Variants in GRM8 observed in about 807,000 individuals in gnomAD.
GRM8 encodes the protein glutamate metabotropic receptor 8.
A neutral mutation model predicts 87.2 loss-of-function variants in GRM8; 47 were observed. That is an observed-to-expected ratio of 0.54 (90% CI 0.43 to 0.69). GRM8 has a LOEUF of 0.69. GRM8 is among the 30% of genes least tolerant of loss of function. The probability of loss-of-function intolerance (pLI) is 0.00; values close to 1 mark genes in which losing one functional copy is unlikely to be tolerated. For synonymous variants in GRM8, 396 were observed against 404.5 expected, an observed-to-expected ratio of 0.98 and a Z score of 0.25; for missense variants, 1,019 against 1,139.2, an observed-to-expected ratio of 0.89 and a Z score of 1.52.
rs551940902 is a variant in GRM8, at chr7:126,691,059, G to C, written c.1357+78806C>G. On this transcript the variant is annotated intron_variant, in intron 7 of 10. Transcript: ENST00000339582. Reference sequence around the variant, plus strand: ...CGGGGAACTGCCCCTTTCCACCCAGGAGCCTGTCTGCCTCCCATTGTCATT... The same window carrying C: ...CGGGGAACTGCCCCTTTCCACCCAGCAGCCTGTCTGCCTCCCATTGTCATT... 5.3e-5 allele frequency among the ~76,000 whole-genome samples: 8 copies of C among 152,328 alleles called. No individual in the cohort carries two copies. In the South Asian group the frequency reaches 1.7e-3, roughly 32 times the overall value.
intron 6 of GRM8, among the ~76,000 whole-genome samples, chr7:126,830,983 G>T (rs1032934361): frequency 1.3e-5 from 2 of 152,202 alleles, no homozygotes; most frequent in Non-Finnish European, 1.5e-5. Flanking sequence ...GACCCTGTTT[G>T]CCTGGGTATC....
chr7:126,482,423 G>A (rs755519704), intron 9 of GRM8, among the ~76,000 whole-genome samples: 28 of 151,800 alleles, frequency 1.8e-4, no homozygotes, highest in Admixed American at 7.9e-4. Context: ...ACAGATGAAT[G>A]GAAAAACAAA....
chr7:127,026,774 T>C (rs910897962), intron 3 of GRM8, among the ~76,000 whole-genome samples: 8 of 152,196 alleles, frequency 5.3e-5, no homozygotes, highest in Admixed American at 1.3e-4. Context: ...AAAACTTTTC[T>C]CCCATTCTGT....
intron 6 of GRM8, among the ~76,000 whole-genome samples, chr7:126,890,317 C>T (rs1455990672): frequency 6.6e-6 from 1 of 152,066 alleles, no homozygotes; most frequent in Non-Finnish European, 1.5e-5. Flanking sequence ...CATATTATTT[C>T]CTTTAACTTC....
chr7:126,497,518 T>C (rs538603363), intron 9 of GRM8, among the ~76,000 whole-genome samples: 107 of 152,108 alleles, frequency 7.0e-4, no homozygotes, highest in Non-Finnish European at 1.2e-3. Flanking sequence ...TGTATGTAGA[T>C]ATATTCGAAA....
intron 6 of GRM8, among the ~76,000 whole-genome samples, chr7:126,888,401 G>GAAATGTTTCAGAA (rs1800696288): frequency 6.6e-6 from 1 of 151,970 alleles, no homozygotes; most frequent in Non-Finnish European, 1.5e-5. Context: ...CTGAATCAGA[G>GAAATGTTTCAGAA]AAACCGAAAT....
intron 2 of GRM8, among the ~76,000 whole-genome samples, chr7:127,159,387 A>G (rs1046630868): frequency 9.9e-5 from 15 of 152,192 alleles, no homozygotes; most frequent in Non-Finnish European, 2.1e-4. Context: ...GACCTAATTA[A>G]TTGTTACATA....
At chr7:127,224,842 T>C (rs1333887383) in intron 2 of GRM8, among the ~76,000 whole-genome samples, 1 of 152,186 alleles carries the variant, frequency 6.6e-6, no homozygotes, top group African/African-American at 2.4e-5. Flanking sequence ...TCTGAATTCC[T>C]GAACTCAAGC....
intron 3 of GRM8, among the ~76,000 whole-genome samples, chr7:127,024,412 T>C (rs1816572037): frequency 6.6e-6 from 1 of 152,060 alleles, no homozygotes; most frequent in Admixed American, 6.5e-5. Context: ...CTATTCTGTA[T>C]TCATCATTAA....
chr7:126,705,589 C>T (rs1056717089), intron 7 of GRM8, among the ~76,000 whole-genome samples: 12 of 151,916 alleles, frequency 7.9e-5, no homozygotes, highest in South Asian at 4.2e-4. Flanking sequence ...TATGTATGGA[C>T]GTATATGAAA....
intron 6 of GRM8, among the ~76,000 whole-genome samples, chr7:126,848,382 C>T (rs1013576292): frequency 6.6e-6 from 1 of 152,128 alleles, no homozygotes; most frequent in Non-Finnish European, 1.5e-5. Flanking sequence ...GAATTTTGAA[C>T]ACTTAGCACC....
intron 7 of GRM8, among the ~76,000 whole-genome samples, chr7:126,624,361 T>C (rs569900251): frequency 6.6e-6 from 1 of 152,304 alleles, no homozygotes; most frequent in East Asian, 1.9e-4. Flanking sequence ...CTTCCCAGTG[T>C]TCTTCCCGAC....
intron 2 of GRM8, among the ~76,000 whole-genome samples, chr7:127,237,692 T>C (rs1563600860): frequency 6.6e-6 from 1 of 152,200 alleles, no homozygotes; most frequent in Non-Finnish European, 1.5e-5. Context: ...TTGGGAAGGA[T>C]ACACTACAGA....
chr7:126,502,040 C>A (rs946269689), intron 9 of GRM8, among the ~76,000 whole-genome samples: 2 of 151,880 alleles, frequency 1.3e-5, no homozygotes, highest in Admixed American at 1.3e-4. Flanking sequence ...TACCATATGA[C>A]CTGTTGGGAT....
intron 7 of GRM8, among the ~76,000 whole-genome samples, chr7:126,767,461 T>C (rs1029940855): frequency 1.3e-5 from 2 of 152,112 alleles, no homozygotes; most frequent in African/African-American, 4.8e-5. Context: ...GGAAATAATT[T>C]CCAAGAAAAT....
intron 8 of GRM8, among the ~76,000 whole-genome samples, chr7:126,602,561 A>G (rs1161654916): frequency 7.0e-6 from 1 of 142,772 alleles, no homozygotes; most frequent in African/African-American, 2.5e-5. Context: ...CTTCCTACCC[A>G]TGAGCATGGA....
At chr7:127,209,318 C>T (rs1796084810) in intron 2 of GRM8, among the ~76,000 whole-genome samples, 1 of 152,210 alleles carries the variant, frequency 6.6e-6, no homozygotes, top group Non-Finnish European at 1.5e-5. Flanking sequence ...TAACACCCCA[C>T]CACCTTTTGT....
chr7:127,189,899 C>T (rs1000520765), intron 2 of GRM8, among the ~76,000 whole-genome samples: 3 of 152,148 alleles, frequency 2.0e-5, no homozygotes, highest in African/African-American at 7.2e-5. Flanking sequence ...ATGGTAGAGC[C>T]GCAAAACTAA....
intron 3 of GRM8, among the ~76,000 whole-genome samples, chr7:126,982,232 ATGCT>A (rs1563378435): frequency 6.6e-6 from 1 of 152,132 alleles, no homozygotes; most frequent in East Asian, 1.9e-4. Flanking sequence ...TATTCTGGCC[ATGCT>A]GGCAGCTGAT....
Sources: gnomAD v4.1 joint callset for allele counts (sites outside exome capture counted in the v4.1 genomes callset) on GRCh38, gnomAD v4.1.1 for gene constraint, MANE v1.5 for transcripts, NCBI Gene and HGNC (gene_info 2026-07-23, HGNC 2026-07-21) for gene names.